The following RNF185 variants were observed in gnomAD, a reference collection of about 807,000 sequenced individuals.
RNF185 encodes the protein ring finger protein 185.
RNF185 carries 13 observed loss-of-function variants against 24.9 expected under a neutral mutation model. That is an observed-to-expected ratio of 0.52 (90% CI 0.34 to 0.83). The LOEUF is 0.83. Among genes scored for constraint, RNF185 ranks in the 40% least tolerant of loss-of-function variants. RNF185 has a pLI of 0.01. For synonymous variants in RNF185, 79 were observed against 90.3 expected (o/e 0.88, Z 0.71); for missense variants, 184 against 244.7 (o/e 0.75, Z 1.65).
At chr22:31,181,359 A>T (rs1297073760) in intron 1 of RNF185, among the ~76,000 whole-genome samples, 1 of 152,100 alleles carries the variant, frequency 6.6e-6, no homozygotes, top group Non-Finnish European at 1.5e-5. Context: ...AGAAAAAAAA[A>T]ATACCTTTTA....
At chr22:31,187,818 A>G (rs969037516) in intron 2 of RNF185, among the ~76,000 whole-genome samples, 2 of 152,246 alleles carry the variant, frequency 1.3e-5, no homozygotes, top group African/African-American at 2.4e-5. Context: ...ACACTCATCA[A>G]AATGAAGTGT....
chr22:31,184,316 C>T (rs1385307958), intron 1 of RNF185, among the ~76,000 whole-genome samples: 12 of 151,466 alleles, frequency 7.9e-5, no homozygotes, highest in African/African-American at 1.7e-4. Context: ...ACATCTCAGA[C>T]GGGGTGGCGG....
chr22:31,177,651 C>G (rs1024182720), intron 1 of RNF185, among the ~76,000 whole-genome samples: 1 of 152,176 alleles, frequency 6.6e-6, no homozygotes, highest in Admixed American at 6.5e-5. Context: ...CTCAGGCATG[C>G]CAGGGTTCCT....
intron 2 of RNF185, 123 bp from the exon 3 acceptor site, chr22:31,192,561 C>T: frequency 1.2e-6 from 1 of 815,646 alleles, no homozygotes; most frequent in Non-Finnish European, 2.2e-6. Flanking sequence ...ATAGTTTACT[C>T]CTGTTTTCTC....
chr22:31,188,004 G>A (rs1412133563), intron 2 of RNF185, among the ~76,000 whole-genome samples: 1 of 152,072 alleles, frequency 6.6e-6, no homozygotes, highest in African/African-American at 2.4e-5. Context: ...AGGTAAAGGC[G>A]AAGGGTGTGT....
intron 2 of RNF185, among the ~76,000 whole-genome samples, chr22:31,187,802 A>T (rs1273256070): frequency 6.6e-6 from 1 of 152,186 alleles, no homozygotes; most frequent in Non-Finnish European, 1.5e-5. Context: ...TTATATATAG[A>T]TAGATACACT....
chr22:31,192,803 T>C (rs550815358), intron 3 of RNF185, 101 bp downstream of exon 3: 1 of 1,098,252 alleles, frequency 9.1e-7, no homozygotes, highest in Non-Finnish European at 1.4e-6. Context: ...TCTGCCCTGC[T>C]TGTGGGCTCA....
chr22:31,182,109 C>CTTTT (rs747537462), intron 1 of RNF185, among the ~76,000 whole-genome samples: 5 of 122,794 alleles, frequency 4.1e-5, no homozygotes, highest in Non-Finnish European at 5.1e-5. Context: ...ACAGTAATTC[C>CTTTT]TTTTTTTTTT....
chr22:31,187,952 G>A (rs1352110424), intron 2 of RNF185, among the ~76,000 whole-genome samples: 1 of 151,532 alleles, frequency 6.6e-6, no homozygotes, highest in East Asian at 1.9e-4. Flanking sequence ...TTTTTGTCTT[G>A]AGATTTTGAG....
At chr22:31,182,165 G>A (rs1449156918) in intron 1 of RNF185, among the ~76,000 whole-genome samples, 12 of 145,030 alleles carry the variant, frequency 8.3e-5, no homozygotes, top group African/African-American at 3.1e-4. Context: ...AGGCTGGAGT[G>A]CAGCAGCACA....
At position 31,194,414 on chromosome 22, in the gene RNF185, AGTT is replaced by A. The variant is rs530825985; in HGVS notation, c.196-1050_196-1048del. Among the ~76,000 whole-genome samples, 743 of 151,748 alleles carry A rather than the reference AGTT, an allele frequency of 4.9e-3. 6 individuals are homozygous for A. Among genetic ancestry groups the A allele is most frequent in the Non-Finnish European group, 6.7e-3 (458 of 67,942 alleles). ...CCTGATTCTGATGCCTGGGATACAC[AGTT>A]GTTGGGAAAATGCTATAAAAATGAG... On this transcript the variant is annotated intron_variant, in intron 3 of 6. Coordinates refer to ENST00000326132, the MANE Select transcript of RNF185 (RefSeq NM_152267.4).
chr22:31,188,689 T>C (rs2048123317), intron 2 of RNF185, among the ~76,000 whole-genome samples: 1 of 151,700 alleles, frequency 6.6e-6, no homozygotes, highest in Non-Finnish European at 1.5e-5. Context: ...ATGGTGGCGG[T>C]ACCTGTAGTC....
intron 1 of RNF185, among the ~76,000 whole-genome samples, chr22:31,162,489 A>ATTCT (rs1444317164): frequency 1.3e-5 from 2 of 152,186 alleles, no homozygotes; most frequent in Non-Finnish European, 2.9e-5. Flanking sequence ...ACATACCATT[A>ATTCT]TTCTTTCTTG....
chr22:31,173,908 A>G (rs1395389913), intron 1 of RNF185, among the ~76,000 whole-genome samples: 1 of 152,236 alleles, frequency 6.6e-6, no homozygotes, highest in Non-Finnish European at 1.5e-5. Context: ...CATTCAAGGA[A>G]TGATGCTCAT....
At chr22:31,180,228 T>C (rs946678198) in intron 1 of RNF185, among the ~76,000 whole-genome samples, 1 of 152,140 alleles carries the variant, frequency 6.6e-6, no homozygotes, top group African/African-American at 2.4e-5. Context: ...TTTGGAAGGC[T>C]GAGGTGGGTG....
chr22:31,194,672 G>A (rs2048187511), intron 3 of RNF185, among the ~76,000 whole-genome samples: 1 of 152,018 alleles, frequency 6.6e-6, no homozygotes, highest in South Asian at 2.1e-4. Flanking sequence ...GGGTTGCAGT[G>A]ACCTGAGATC....
intron 3 of RNF185, among the ~76,000 whole-genome samples, chr22:31,194,592 G>A (rs1397947409): frequency 6.6e-6 from 1 of 152,084 alleles, no homozygotes; most frequent in Non-Finnish European, 1.5e-5. Flanking sequence ...GCTGGGCGCA[G>A]TGGTGGGCGC....
At position 31,192,709 on chromosome 22, in the gene RNF185, T is replaced by G; in HGVS notation, c.195+7T>G. ...TTGGCCGTGTTTACATCAGGTAAGA[T>G]GCATTTCATTTTACTTTGTCTTTCA... On this transcript the variant is annotated splice_region_variant and intron_variant, in intron 3 of 6. Coordinates refer to ENST00000326132, the MANE Select transcript of RNF185 (RefSeq NM_152267.4). 1 of 1,613,632 alleles carries G rather than the reference T, an allele frequency of 6.2e-7. No homozygotes were observed. The highest frequency in any genetic ancestry group is 8.5e-7 in the Non-Finnish European group (1 of 1,179,528).
At chr22:31,196,692 G>C (rs1248987434) in intron 4 of RNF185, among the ~76,000 whole-genome samples, 1 of 152,242 alleles carries the variant, frequency 6.6e-6, no homozygotes. Context: ...GGAGTAGGCT[G>C]TAGTGCAATC....
Sources: allele counts gnomAD v4.1 joint callset (sites outside exome capture counted in the v4.1 genomes callset), GRCh38; gene constraint gnomAD v4.1.1; transcripts MANE v1.5; gene names NCBI Gene and HGNC (gene_info 2026-07-23, HGNC 2026-07-21).